DPP10: variants seen among roughly 807,000 people sequenced by gnomAD.
The protein encoded by DPP10 is dipeptidyl peptidase like 10.
A neutral mutation model predicts 120.9 loss-of-function variants in DPP10; 33 were observed. That is an observed-to-expected ratio of 0.27 (90% CI 0.21 to 0.37). The LOEUF (loss-of-function observed/expected upper bound fraction) is 0.37. DPP10 is among the 10% of genes least tolerant of loss of function. The pLI is 1.00. For synonymous variants in DPP10, 337 were observed against 326.1 expected, an observed-to-expected ratio of 1.03 and a Z score of -0.36; for missense variants, 816 against 942.8, an observed-to-expected ratio of 0.87 and a Z score of 1.76.
chr2:115,804,396 G>A (rs1685654917), intron 19 of DPP10, among the ~76,000 whole-genome samples: 1 of 152,150 alleles, frequency 6.6e-6, no homozygotes. Flanking sequence ...TTAGCTCGGA[G>A]TAGTTTGATC....
intron 1 of DPP10, among the ~76,000 whole-genome samples, chr2:115,154,226 T>A (rs1236531490): frequency 2.0e-5 from 3 of 152,192 alleles, no homozygotes; most frequent in African/African-American, 7.2e-5. Flanking sequence ...AGTATAGTGT[T>A]TATATATTAG....
intron 21 of DPP10, among the ~76,000 whole-genome samples, chr2:115,819,314 C>G (rs1351325803): frequency 6.6e-6 from 1 of 152,138 alleles, no homozygotes; most frequent in Non-Finnish European, 1.5e-5. Context: ...CTTCATATAA[C>G]TTTTCAAGAA....
chr2:115,805,914 TA>T (rs1685905485), intron 19 of DPP10, among the ~76,000 whole-genome samples: 1 of 152,068 alleles, frequency 6.6e-6, no homozygotes, highest in South Asian at 2.1e-4. Flanking sequence ...CTCACCGCAT[TA>T]TGATTACAAC....
At chr2:115,471,871 A>G (rs952297600) in intron 3 of DPP10, among the ~76,000 whole-genome samples, 1 of 152,056 alleles carries the variant, frequency 6.6e-6, no homozygotes, top group African/African-American at 2.4e-5. Context: ...CAACTGCCTC[A>G]GCCTCCCAAA....
chr2:114,832,267 C>T (rs1687202466), intron 1 of DPP10, among the ~76,000 whole-genome samples: 1 of 152,218 alleles, frequency 6.6e-6, no homozygotes, highest in Non-Finnish European at 1.5e-5. Flanking sequence ...GGGGTGGTGG[C>T]TCACGCCTGT....
intron 1 of DPP10, among the ~76,000 whole-genome samples, chr2:114,919,795 A>G (rs1261139605): frequency 6.6e-6 from 1 of 152,174 alleles, no homozygotes; most frequent in Non-Finnish European, 1.5e-5. Flanking sequence ...GTGTAGTTGC[A>G]TTCTGATGAT....
At chr2:114,581,351 CT>C (rs1225261038) in intron 1 of DPP10, among the ~76,000 whole-genome samples, 2 of 151,266 alleles carry the variant, frequency 1.3e-5, no homozygotes, top group African/African-American at 4.9e-5. Flanking sequence ...GCCTGGCTAA[CT>C]TTTTGTATTT....
chr2:114,907,316 T>G lies in DPP10; in HGVS notation c.61-401923T>G, dbSNP rs1232009658. Reference sequence around the variant, plus strand: ...TTTCCATTAATTTCTGTTCTAACTTTTATTATTCCCTTCTTTATACTTGCT... The same window carrying G: ...TTTCCATTAATTTCTGTTCTAACTTGTATTATTCCCTTCTTTATACTTGCT... On this transcript the variant is annotated intron_variant, in intron 1 of 25. Transcript: ENST00000410059. Among the ~76,000 whole-genome samples, 3 of 152,164 alleles carry G rather than the reference T, an allele frequency of 2.0e-5. No homozygotes were observed. In the East Asian group the frequency reaches 5.8e-4, roughly 29 times the overall value.
intron 1 of DPP10, among the ~76,000 whole-genome samples, chr2:115,005,712 C>T (rs1056879454): frequency 6.6e-6 from 1 of 151,824 alleles, no homozygotes; most frequent in Non-Finnish European, 1.5e-5. Context: ...AAATATGGGA[C>T]TATGTGAAAA....
At chr2:114,536,195 T>G (rs964072077) in intron 1 of DPP10, among the ~76,000 whole-genome samples, 4 of 152,090 alleles carry the variant, frequency 2.6e-5, no homozygotes, top group African/African-American at 9.7e-5. Context: ...CCTCATGTCT[T>G]GCATGCTGCC....
At chr2:115,477,457 T>A (rs1231053815) in intron 3 of DPP10, among the ~76,000 whole-genome samples, 1 of 152,018 alleles carries the variant, frequency 6.6e-6, no homozygotes, top group Non-Finnish European at 1.5e-5. Flanking sequence ...TCTAAAGAGA[T>A]AAAAGTCTTG....
intron 17 of DPP10, among the ~76,000 whole-genome samples, chr2:115,790,672 C>T (rs966107031): frequency 3.9e-5 from 6 of 152,212 alleles, no homozygotes; most frequent in African/African-American, 7.2e-5. Flanking sequence ...ATAACATGCT[C>T]ATGCTTTTTC....
At chr2:115,033,710 T>TTG (rs1428872592) in intron 1 of DPP10, among the ~76,000 whole-genome samples, 1 of 150,748 alleles carries the variant, frequency 6.6e-6, no homozygotes, top group Non-Finnish European at 1.5e-5. Flanking sequence ...TTTTTTTTTT[T>TTG]TATTTTTAGA....
intron 1 of DPP10, among the ~76,000 whole-genome samples, chr2:115,056,780 T>C (rs1448898614): frequency 1.3e-5 from 2 of 152,116 alleles, no homozygotes; most frequent in Non-Finnish European, 2.9e-5. Context: ...TGTGAGTGAA[T>C]TAGAGGAGGA....
intron 21 of DPP10, among the ~76,000 whole-genome samples, chr2:115,818,446 A>G (rs1192018898): frequency 1.1e-4 from 17 of 152,202 alleles, no homozygotes; most frequent in Admixed American, 1.1e-3. Flanking sequence ...CACATAAATA[A>G]GCATAAAGGA....
At chr2:115,247,539 C>T (rs185873843) in intron 1 of DPP10, among the ~76,000 whole-genome samples, 1 of 151,782 alleles carries the variant, frequency 6.6e-6, no homozygotes, top group African/African-American at 2.4e-5. Context: ...GAGGGAAGAG[C>T]GAAAAGAGAT....
chr2:115,351,554 G>T (rs1482137981), intron 3 of DPP10, among the ~76,000 whole-genome samples: 4 of 151,924 alleles, frequency 2.6e-5, no homozygotes, highest in Non-Finnish European at 5.9e-5. Context: ...CAAATAAAAA[G>T]TAAAAACACA....
At chr2:115,194,643 T>C (rs1431465113) in intron 1 of DPP10, among the ~76,000 whole-genome samples, 2 of 152,190 alleles carry the variant, frequency 1.3e-5, no homozygotes, top group African/African-American at 2.4e-5. Flanking sequence ...CCGTCTTGCG[T>C]GAGCTTTTTG....
chr2:115,479,904 C>T (rs1380540912), intron 3 of DPP10, among the ~76,000 whole-genome samples: 1 of 152,150 alleles, frequency 6.6e-6, no homozygotes, highest in East Asian at 1.9e-4. Context: ...CAGTGGCATG[C>T]ACCTTGCAGG....
Sources: gnomAD v4.1 joint callset for allele counts (sites outside exome capture counted in the v4.1 genomes callset) on GRCh38, gnomAD v4.1.1 for gene constraint, MANE v1.5 for transcripts, NCBI Gene and HGNC (gene_info 2026-07-23, HGNC 2026-07-21) for gene names.